Variants in CNKSR3 observed in about 807,000 individuals in gnomAD.
The protein encoded by CNKSR3 is connector enhancer of kinase suppressor of ras 3.
Under a neutral mutation model 67.7 loss-of-function variants are expected in CNKSR3, and 36 were observed. That is an observed-to-expected ratio of 0.53 (90% CI 0.41 to 0.70). The LOEUF (loss-of-function observed/expected upper bound fraction) is 0.70. Ranked by LOEUF, CNKSR3 falls within the 30% of genes least tolerant of loss-of-function variation. CNKSR3 has a pLI of 0.00. For synonymous variants in CNKSR3, 281 were observed against 271.4 expected (o/e 1.04, Z -0.35); for missense variants, 630 against 695.2 (o/e 0.91, Z 1.05).
intron 12 of CNKSR3, 41 bp downstream of exon 12, chr6:154,410,302 T>C: frequency 7.1e-7 from 1 of 1,412,516 alleles, no homozygotes; most frequent in Non-Finnish European, 1.0e-6. Flanking sequence ...GGCTGTTCAC[T>C]CCCCATTTGC....
At chr6:154,472,171 T>A (rs894795141) in intron 1 of CNKSR3, among the ~76,000 whole-genome samples, 2 of 152,014 alleles carry the variant, frequency 1.3e-5, no homozygotes, top group African/African-American at 4.8e-5. Flanking sequence ...AAGTATAATT[T>A]AAAAAAAACA....
At chr6:154,455,185 G>A (rs1202185757) in intron 1 of CNKSR3, among the ~76,000 whole-genome samples, 3 of 151,788 alleles carry the variant, frequency 2.0e-5, no homozygotes, top group African/African-American at 7.3e-5. Context: ...CAGGCGTGGT[G>A]GCAGGCACCT....
At chr6:154,445,284 T>C (rs1464350812) in intron 2 of CNKSR3, among the ~76,000 whole-genome samples, 1 of 152,190 alleles carries the variant, frequency 6.6e-6, no homozygotes, top group Non-Finnish European at 1.5e-5. Context: ...TCTATCTAAA[T>C]GTGATATTCA....
intron 4 of CNKSR3, among the ~76,000 whole-genome samples, chr6:154,439,415 C>G (rs546457747): frequency 1.5e-4 from 23 of 152,088 alleles, no homozygotes; most frequent in Admixed American, 1.2e-3. Context: ...CATGACCCCC[C>G]CTGCCTTCAC....
chr6:154,474,326 T>A (rs1191503385), intron 1 of CNKSR3, among the ~76,000 whole-genome samples: 1 of 150,552 alleles, frequency 6.6e-6, no homozygotes, highest in Non-Finnish European at 1.5e-5. Context: ...GGCAGGGGAA[T>A]CGCTTGAACC....
chr6:154,393,363 T>C lies in CNKSR3; in HGVS notation c.*12991A>G, dbSNP rs756010394. ...AGGATATCCTCCAAGTATTTTCTAA[T>C]CATTTCAGTTTTGCCAGTCAGGTAG... On this transcript the variant is annotated 3_prime_UTR_variant, in exon 13 of 13. Transcript: ENST00000607772. 2.0e-5 allele frequency: 3 copies of C among 152,244 alleles called. No individual in the cohort carries two copies. The highest frequency in any genetic ancestry group is 6.5e-5 in the Admixed American group (1 of 15,290). The allele number at this position is 152,244 out of a possible 1,614,324, so 9.4% of individuals were successfully genotyped here.
intron 6 of CNKSR3, among the ~76,000 whole-genome samples, chr6:154,428,812 C>A (rs1048383475): frequency 6.6e-6 from 1 of 152,190 alleles, no homozygotes; most frequent in African/African-American, 2.4e-5. Context: ...TAAGCCACCA[C>A]ACCCAGCCAA....
At chr6:154,438,634 C>T (rs1785521408) in intron 4 of CNKSR3, among the ~76,000 whole-genome samples, 2 of 152,166 alleles carry the variant, frequency 1.3e-5, no homozygotes, top group Non-Finnish European at 2.9e-5. Flanking sequence ...CCTATAGCTG[C>T]CTCTCTCTGA....
chr6:154,431,893 G>T (rs566758512), intron 5 of CNKSR3, among the ~76,000 whole-genome samples: 1 of 152,096 alleles, frequency 6.6e-6, no homozygotes, highest in African/African-American at 2.4e-5. Context: ...ACAACAGTTT[G>T]TTTATCCATT....
At chr6:154,457,768 T>G (rs1785989690) in intron 1 of CNKSR3, among the ~76,000 whole-genome samples, 1 of 152,138 alleles carries the variant, frequency 6.6e-6, no homozygotes, top group Non-Finnish European at 1.5e-5. Context: ...TCTTAATTCA[T>G]CCTCTATCAT....
chr6:154,506,492 A>T (rs1478558316), intron 1 of CNKSR3, among the ~76,000 whole-genome samples: 1 of 152,242 alleles, frequency 6.6e-6, no homozygotes, highest in Non-Finnish European at 1.5e-5. Flanking sequence ...TTAAAGGGGA[A>T]GACTTGGCTG....
intron 1 of CNKSR3, among the ~76,000 whole-genome samples, chr6:154,505,891 C>T (rs1010637467): frequency 2.0e-5 from 3 of 152,170 alleles, no homozygotes; most frequent in African/African-American, 7.2e-5. Flanking sequence ...CCACGTCTTC[C>T]TCGTCGAAGG....
At position 154,400,759 on chromosome 6, in the gene CNKSR3, T is replaced by C. The variant is rs931962202; in HGVS notation, c.*5595A>G. 1.3e-5 allele frequency: 2 copies of C among 152,212 alleles called. No homozygotes were observed. The highest frequency in any genetic ancestry group is 4.8e-5 in the African/African-American group (2 of 41,464). The allele number at this position is 152,212 out of a possible 1,614,324, so 9.4% of individuals were successfully genotyped here. A position where few individuals can be genotyped will look rare whatever the true frequency, so the allele number is the denominator to read the frequency against. On this transcript the variant is annotated 3_prime_UTR_variant, in exon 13 of 13. Coordinates refer to ENST00000607772, the MANE Select transcript of CNKSR3 (RefSeq NM_173515.4). ...ATGATGTAATCACTTTTTCCTTTAC[T>C]TATGTAAAAGGTACCCTTTGTCAAA...
chr6:154,432,218 T>A (rs1785384708), intron 5 of CNKSR3, among the ~76,000 whole-genome samples: 1 of 152,238 alleles, frequency 6.6e-6, no homozygotes, highest in African/African-American at 2.4e-5. Flanking sequence ...TATATGGCGG[T>A]ATCTCATTGT....
intron 1 of CNKSR3, among the ~76,000 whole-genome samples, chr6:154,508,388 C>A (rs1173575229): frequency 1.3e-5 from 2 of 152,220 alleles, no homozygotes; most frequent in East Asian, 1.9e-4. Context: ...CAATTCTAAC[C>A]AGCCACATTT....
chr6:154,441,328 G>C lies in CNKSR3; in HGVS notation c.471C>G (p.Ile157Met), dbSNP rs772166873. 1.9e-6 allele frequency: 3 copies of C among 1,613,614 alleles called. 1 individual carries two copies. In the South Asian group the frequency reaches 3.3e-5, roughly 18 times the overall value. The change falls in exon 4 of 13, where the codon ATC becomes ATG. Residue 157 changes from isoleucine (I) to methionine (M), a missense_variant. Ile to Met is a conservative substitution (Grantham distance 10, BLOSUM62 1). This residue lies in a region of CNKSR3 where 189 missense variants were observed against 205.0 expected (regional missense o/e 0.92). Transcript: ENST00000607772. ...TAGTGGTCAGGTCCAAGCAAAGCTG[G>C]ATAATTTTGTTCTTCGTGACTGAGA... ...TDFSVTKNKI[I>M]QLCLDLTTTV... is the part of the protein sequence containing the mutation.
intron 12 of CNKSR3, among the ~76,000 whole-genome samples, chr6:154,408,214 G>T (rs972151934): frequency 3.9e-5 from 6 of 151,916 alleles, no homozygotes; most frequent in African/African-American, 1.5e-4. Flanking sequence ...TAGTAGAGAC[G>T]GGGTTTCACC....
rs1289135137 is a variant in CNKSR3, at chr6:154,404,850, A to C, written c.*1504T>G. ...CCATCTCAAAAACAAACAAACAAACAAAAAAAACCAGCCTGACTGAATTCA... is the reference window on the plus strand; with the variant it reads ...CCATCTCAAAAACAAACAAACAAACCAAAAAAACCAGCCTGACTGAATTCA... On this transcript the variant is annotated 3_prime_UTR_variant, in exon 13 of 13. Transcript: ENST00000607772. 1 of 143,514 alleles carries C rather than the reference A, an allele frequency of 7.0e-6. No individual in the cohort carries two copies. Among genetic ancestry groups the C allele is most frequent in the Non-Finnish European group, 1.6e-5 (1 of 63,574 alleles). The allele number at this position is 143,514 out of a possible 1,614,324, so 8.9% of individuals were successfully genotyped here.
At chr6:154,499,052 A>C (rs1001964111) in intron 1 of CNKSR3, among the ~76,000 whole-genome samples, 1 of 152,166 alleles carries the variant, frequency 6.6e-6, no homozygotes, top group African/African-American at 2.4e-5. Flanking sequence ...TCCTGGGCTG[A>C]GCACTCACAG....
Sources: allele counts gnomAD v4.1 joint callset (sites outside exome capture counted in the v4.1 genomes callset), GRCh38; gene constraint gnomAD v4.1.1; regional missense constraint gnomAD v4.1.1; transcripts MANE v1.5; gene names NCBI Gene and HGNC (gene_info 2026-07-23, HGNC 2026-07-21).